KANSL1: variants seen among roughly 807,000 people sequenced by gnomAD.
KANSL1 encodes MLL1/MLL complex subunit KANSL1.
KANSL1 carries 22 observed loss-of-function variants against 103.6 expected under a neutral mutation model. The observed-to-expected ratio is 0.21, with a 90% CI of 0.15 to 0.30. The LOEUF (loss-of-function observed/expected upper bound fraction) is 0.30, where lower values mean the gene tolerates loss of function less well. Ranked by LOEUF, KANSL1 falls within the 10% of genes least tolerant of loss-of-function variation. The probability of loss-of-function intolerance (pLI) is 1.00; values close to 1 mark genes in which losing one functional copy is unlikely to be tolerated. For synonymous variants in KANSL1, 600 were observed against 527.6 expected (o/e 1.14, Z -1.88); for missense variants, 1,337 against 1,399.8 (o/e 0.96, Z 0.72).
chr17:46,094,600 C>G lies in KANSL1; in HGVS notation c.1391G>C (p.Arg464Pro). 6.2e-7 allele frequency: 1 copy of G among 1,613,852 alleles called. No individual in the cohort carries two copies. The highest frequency in any genetic ancestry group is 1.1e-5 in the South Asian group (1 of 91,058). ...CTGTTTGTAAATGTCTGTTTGCTGA[C>G]GAATTCGATATTCCAAGTCAGAAAC... ...AHVSDLEYRI[R>P]QQTDIYKQIR... The change falls in exon 3 of 15, where the codon CGT becomes CCT. Residue 464 changes from arginine to proline, a missense_variant. Arg to Pro is a moderately radical substitution (Grantham distance 103). Transcript: ENST00000432791.
chr17:46,091,416 G>GA (rs139736629), intron 3 of KANSL1, among the ~76,000 whole-genome samples: 1 of 151,852 alleles, frequency 6.6e-6, no homozygotes, highest in East Asian at 1.9e-4. Flanking sequence ...ATTTATTATT[G>GA]AAAAAAATAT....
Position 46,032,158 on chromosome 17 carries a change from A to G in KANSL1, c.2979T>C (p.Ile993=). 1.2e-6 allele frequency: 2 copies of G among 1,613,900 alleles called. No individual in the cohort carries two copies. Among genetic ancestry groups the G allele is most frequent in the Non-Finnish European group, 8.5e-7 (1 of 1,179,886 alleles). ...GGGGTGCTGAGTGCAGTTCCGGGCT[A>G]ATGGGGCTCCTAGGGGACTGACCAT... ...YSHGQSPRSP[I]SPELHSAPLT... The change falls in exon 14 of 15, where the codon ATT becomes ATC. Residue 993 remains isoleucine (I), a synonymous_variant. Transcript: ENST00000432791.
chr17:46,222,921 T>G (rs2048577238), intron 1 of KANSL1: 2 of 151,802 alleles, frequency 1.3e-5, no homozygotes, highest in African/African-American at 4.9e-5. Flanking sequence ...TACTTAAGTC[T>G]TAAGCTCTGC....
chr17:46,165,682 T>C (rs903170067), intron 2 of KANSL1, among the ~76,000 whole-genome samples: 10 of 151,860 alleles, frequency 6.6e-5, no homozygotes, highest in African/African-American at 2.4e-4. Context: ...GGCTAATTTT[T>C]GAATTTTTGG....
chr17:46,157,894 T>G (rs1277854923), intron 2 of KANSL1, among the ~76,000 whole-genome samples: 5 of 152,224 alleles, frequency 3.3e-5, no homozygotes, highest in Non-Finnish European at 7.3e-5. Context: ...CAAAGAATAC[T>G]TGCTGGAAAA....
intron 1 of KANSL1, among the ~76,000 whole-genome samples, chr17:46,219,630 T>C (rs1332566671): frequency 1.3e-5 from 2 of 152,278 alleles, no homozygotes; most frequent in Non-Finnish European, 2.9e-5. Context: ...CCTCCTAAAG[T>C]GCTAGGATTA....
chr17:46,092,216 G>A (rs2079423551), intron 3 of KANSL1, among the ~76,000 whole-genome samples: 1 of 152,146 alleles, frequency 6.6e-6, no homozygotes, highest in Non-Finnish European at 1.5e-5. Flanking sequence ...TTTCCCTTTT[G>A]TTAAGCAATG....
At chr17:46,061,943 T>C (rs1218927666) in intron 6 of KANSL1, among the ~76,000 whole-genome samples, 3 of 151,596 alleles carry the variant, frequency 2.0e-5, no homozygotes, top group Admixed American at 2.0e-4. Flanking sequence ...AATACAAATA[T>C]TAGCCAGGCG....
chr17:46,142,644 A>G (rs2044484281), intron 2 of KANSL1, among the ~76,000 whole-genome samples: 1 of 152,246 alleles, frequency 6.6e-6, no homozygotes, highest in Admixed American at 6.5e-5. Context: ...ATTACAACAT[A>G]TGAGAATGTT....
chr17:46,078,214 TTCTTTAAC>T (rs1306297929), intron 4 of KANSL1, among the ~76,000 whole-genome samples: 1 of 152,232 alleles, frequency 6.6e-6, no homozygotes, highest in African/African-American at 2.4e-5. Flanking sequence ...CTGGGAAACA[TTCTTTAAC>T]TCTTTAAGTG....
intron 4 of KANSL1, among the ~76,000 whole-genome samples, chr17:46,073,604 A>G (rs977246445): frequency 5.3e-5 from 8 of 152,200 alleles, no homozygotes; most frequent in African/African-American, 1.9e-4. Context: ...TTAGAACCAC[A>G]GTAATGTTTC....
At position 46,176,528 on chromosome 17, in the gene KANSL1, T is replaced by C. The variant is rs773909426; in HGVS notation, c.-89-4296A>G. On this transcript the variant is annotated intron_variant, in intron 1 of 14. Coordinates refer to ENST00000432791, the MANE Select transcript of KANSL1 (RefSeq NM_015443.4). The stretch of plus-strand genomic sequence containing the variant: ...CAACATGGTGAAACCCTGTCTCTAC[T>C]AAAAATACAAAAATCAGCTGAGTGT... Among the ~76,000 whole-genome samples the C allele has an allele frequency of 6.6e-5, 10 of 152,184 alleles. No individual in the cohort carries two copies. In the South Asian group the frequency reaches 1.0e-3, roughly 16 times the overall value.
At chr17:46,081,887 A>G (rs1260731059) in intron 4 of KANSL1, among the ~76,000 whole-genome samples, 2 of 152,226 alleles carry the variant, frequency 1.3e-5, no homozygotes, top group Admixed American at 6.5e-5. Flanking sequence ...AGTGAAAAGA[A>G]CAAGTGCTCT....
At chr17:46,036,438 G>C (rs976341783) in intron 10 of KANSL1, among the ~76,000 whole-genome samples, 2 of 152,146 alleles carry the variant, frequency 1.3e-5, no homozygotes, top group African/African-American at 4.8e-5. Context: ...AAAAAATTGT[G>C]TCTGTACTGA....
At chr17:46,120,879 T>C (rs546455360) in intron 2 of KANSL1, among the ~76,000 whole-genome samples, 26 of 152,344 alleles carry the variant, frequency 1.7e-4, no homozygotes, top group Non-Finnish European at 3.1e-4. Context: ...AAAGAGAGAA[T>C]GTTTCAGCAT....
intron 1 of KANSL1, among the ~76,000 whole-genome samples, chr17:46,182,416 T>C (rs995078912): frequency 6.6e-6 from 1 of 152,232 alleles, no homozygotes; most frequent in African/African-American, 2.4e-5. Flanking sequence ...AAAGTATTTA[T>C]TTTACATATG....
At chr17:46,213,854 G>T (rs1254667858) in intron 1 of KANSL1, among the ~76,000 whole-genome samples, 1 of 151,864 alleles carries the variant, frequency 6.6e-6, no homozygotes, top group African/African-American at 2.4e-5. Flanking sequence ...GGAGGTGGAG[G>T]TTGCAGTGAG....
At chr17:46,166,095 C>T (rs1269743189) in intron 2 of KANSL1, among the ~76,000 whole-genome samples, 1 of 151,598 alleles carries the variant, frequency 6.6e-6, no homozygotes, top group African/African-American at 2.4e-5. Context: ...GCCTGTAATC[C>T]CAGCTTACTC....
chr17:46,134,058 T>C (rs1269968576), intron 2 of KANSL1, among the ~76,000 whole-genome samples: 1 of 152,098 alleles, frequency 6.6e-6, no homozygotes, highest in Non-Finnish European at 1.5e-5. Context: ...AAGGGTACAG[T>C]GGAATAAGCT....
Sources: allele counts gnomAD v4.1 joint callset (sites outside exome capture counted in the v4.1 genomes callset), GRCh38; gene constraint gnomAD v4.1.1; transcripts MANE v1.5; gene names NCBI Gene and HGNC (gene_info 2026-07-23, HGNC 2026-07-21).